Variants in MYO15A observed in about 807,000 individuals in gnomAD.
MYO15A encodes myosin XVA.
MYO15A carries 308 observed loss-of-function variants against 394.6 expected under a neutral mutation model. That is an observed-to-expected ratio of 0.78 (90% CI 0.71 to 0.86). The LOEUF (loss-of-function observed/expected upper bound fraction) is 0.86, where lower values mean the gene tolerates loss of function less well. Among genes scored for constraint, MYO15A ranks in the 40% least tolerant of loss-of-function variants. The probability of loss-of-function intolerance (pLI) is 0.00; values close to 1 mark genes in which losing one functional copy is unlikely to be tolerated. For synonymous variants in MYO15A, 1,957 were observed against 2,003.8 expected (o/e 0.98, Z 0.62); for missense variants, 4,606 against 4,799.1 (o/e 0.96, Z 1.19).
Position 18,172,218 on chromosome 17 carries a change from C to T in MYO15A, c.10278C>T (p.Asn3426=). The T allele has an allele frequency of 6.2e-7, 1 of 1,614,240 alleles. No homozygotes were observed. The highest frequency in any genetic ancestry group is 8.5e-7 in the Non-Finnish European group (1 of 1,180,048). The change falls in exon 64 of 66, where the codon AAC becomes AAT. Residue 3426 remains asparagine (N), a synonymous_variant. Coordinates refer to ENST00000647165, the MANE Select transcript of MYO15A (RefSeq NM_016239.4). ...TCTTCTTCATCCAGAGCTGCAGCAA[C>T]ATTGCTGTGCCAGCCCCTTGCATCC... ...SSFFFIQSCS[N]IAVPAPCILA... is the part of the protein sequence containing the mutation.
At position 18,151,120 on chromosome 17, in the gene MYO15A, C is replaced by T. The variant is rs757576205; in HGVS notation, c.7484C>T (p.Ala2495Val). The T allele has an allele frequency of 9.3e-6, 15 of 1,613,994 alleles. No homozygotes were observed. Among genetic ancestry groups the T allele is most frequent in the Non-Finnish European group, 1.3e-5 (15 of 1,180,008 alleles). Residue 2495 changes from alanine (A) to valine (V), a missense_variant, in exon 39 of 66, where the codon GCA (alanine) becomes GTA (valine). Physicochemically the swap from Ala to Val is moderately conservative, Grantham distance 64. This residue lies in a region of MYO15A where 2,776 missense variants were observed against 3,109.3 expected (regional missense o/e 0.89). Transcript: ENST00000647165. ...LRSLPAEKPP[A>V]PEAQPTSVGT... The stretch of plus-strand genomic sequence containing the variant: ...TCCTGTTCTCCACAGAAACCCCCAG[C>T]ACCAGAGGCACAGCCGACGTCTGTA...
At position 18,166,551 on chromosome 17, in the gene MYO15A, G is replaced by A. The variant is rs745999777; in HGVS notation, c.9948+30G>A. 2.5e-6 allele frequency: 4 copies of A among 1,608,520 alleles called. No homozygotes were observed. In the African/African-American group the frequency reaches 4.0e-5, roughly 16 times the overall value. ...GCACACGTAGGCTTCTCTGGACTCT[G>A]GGACCTTCTAGGCTCCCCTGGGCCT... is the stretch of plus-strand genomic sequence containing the variant. On this transcript the variant is annotated intron_variant, in intron 61 of 65. Coordinates refer to ENST00000647165, the MANE Select transcript of MYO15A (RefSeq NM_016239.4).
rs1438628635 is a variant in MYO15A at position 18,148,715 on chromosome 17, T to C, written c.6765-46T>C. The C allele has an allele frequency of 6.4e-7, 1 of 1,561,338 alleles. No homozygotes were observed. The highest frequency in any genetic ancestry group is 1.2e-5 in the South Asian group (1 of 85,262). On this transcript the variant is annotated intron_variant, in intron 32 of 65. Coordinates refer to ENST00000647165, the MANE Select transcript of MYO15A (RefSeq NM_016239.4). The surrounding 1 kb of genome is among the most constrained non-coding windows in gnomAD (Gnocchi z 4.8). ...ACCCAGGATCTCCCCAGGTAGTGCC[T>C]GATGACTCTGTCCCTCATTTCCATT... is the stretch of plus-strand genomic sequence containing the variant.
intron 62 of MYO15A, 113 bp downstream of exon 62, chr17:18,167,836 T>G: frequency 6.8e-7 from 1 of 1,478,898 alleles, no homozygotes; most frequent in Non-Finnish European, 9.2e-7. Flanking sequence ...TCCCCTCTTA[T>G]ACCAGTGGGG....
intron 60 of MYO15A, among the ~76,000 whole-genome samples, chr17:18,165,701 T>A (rs538018804): frequency 4.6e-5 from 7 of 152,282 alleles, no homozygotes; most frequent in Non-Finnish European, 7.3e-5. Context: ...TTTGGAGGGG[T>A]CATTATTCAG....
rs1248625884 is a variant in MYO15A, at chr17:18,159,995, A to G, written c.9364A>G (p.Thr3122Ala). The G allele has an allele frequency of 5.0e-6, 8 of 1,612,996 alleles. No homozygotes were observed. Among genetic ancestry groups the G allele is most frequent in the Non-Finnish European group, 6.8e-6 (8 of 1,180,022 alleles). ...TTACTGCCAAGTTGTGAAGCAGATC[A>G]CAGACAATACCAGCTCCAAGCAGTG... ...ECYCQVVKQI[T>A]DNTSSKQDSC... The change falls in exon 56 of 66, where the codon ACA (threonine) becomes GCA (alanine). Residue 3122 changes from threonine to alanine, a missense_variant. Around this residue, in one of 2 missense-constraint regions of MYO15A, gnomAD observed 2,776 missense variants for 3,109.3 expected, o/e 0.89. Coordinates refer to ENST00000647165, the MANE Select transcript of MYO15A (RefSeq NM_016239.4).
chr17:18,118,734 C>G lies in MYO15A; in HGVS notation c.-67C>G. 1 of 1,604,166 alleles carries G rather than the reference C, an allele frequency of 6.2e-7. No homozygotes were observed. The highest frequency in any genetic ancestry group is 1.3e-5 in the African/African-American group (1 of 74,774). On this transcript the variant is annotated 5_prime_UTR_variant, in exon 2 of 66. Transcript: ENST00000647165. ...GCCGCGGGCAAGAGACAGAGCAGGT[C>G]CCTGTGTCTCCAAGTCCCTGAGCCC...
At position 18,157,911 on chromosome 17, in the gene MYO15A, T is replaced by C. The variant is rs905466854; in HGVS notation, c.8967+11T>C. On this transcript the variant is annotated intron_variant, in intron 51 of 65. Transcript: ENST00000647165. ...GGCCGCAGGAGAGAGGTGAGACCAG[T>C]GTGGGTGGGGTGGGGCGGGGTAGAC... 14 of 231,948 alleles carry C rather than the reference T, an allele frequency of 6.0e-5. No homozygotes were observed. The highest frequency in any genetic ancestry group is 1.5e-4 in the Admixed American group (2 of 13,044). The allele number at this position is 231,948 out of a possible 1,614,324, so 14.4% of individuals were successfully genotyped here.
chr17:18,127,894 GGGTA>G (rs1200532827), intron 7 of MYO15A, among the ~76,000 whole-genome samples: 1 of 150,422 alleles, frequency 6.6e-6, no homozygotes. Context: ...GTATGTGAAA[GGGTA>G]GGTGGTGAGT....
chr17:18,139,047 C>A, intron 18 of MYO15A, 111 bp downstream of exon 18: 1 of 1,471,546 alleles, frequency 6.8e-7, no homozygotes, highest in African/African-American at 1.4e-5. Context: ...CCAATTCTGG[C>A]TCTGCTGTGC....
In MYO15A at chr17:18,120,041, T is replaced by C. The variant is rs369091395; in HGVS notation, c.1241T>C (p.Val414Ala). 29 of 1,613,472 alleles carry C rather than the reference T, an allele frequency of 1.8e-5. No individual in the cohort carries two copies. The highest frequency in any genetic ancestry group is 1.4e-4 in the South Asian group (13 of 91,086). ...GCTTCGGCCTTTGTGTACCCCTGGG[T>C]ACCACCGCCCATCCCGTCGCCCCAC... ...ESASAFVYPWVPPPIPSPHNP... is the reference protein window; with the variant it reads ...ESASAFVYPWAPPPIPSPHNP... The change falls in exon 2 of 66, where the codon GTA (valine) becomes GCA (alanine). Residue 414 changes from valine (V) to alanine (A), a missense_variant. This residue lies in a region of MYO15A where 1,830 missense variants were observed against 1,689.7 expected (regional missense o/e 1.08). Coordinates refer to ENST00000647165, the MANE Select transcript of MYO15A (RefSeq NM_016239.4).
chr17:18,140,550 C>A lies in MYO15A; in HGVS notation c.5245C>A (p.Gln1749Lys). Residue 1749 changes from glutamine (Q) to lysine (K), a missense_variant, in exon 20 of 66, where the codon CAG becomes AAG. Coordinates refer to ENST00000647165, the MANE Select transcript of MYO15A (RefSeq NM_016239.4). ...VAHLFSSHAP[Q>K]AAPQRLGKSS... ...ACACCTCTTCTCCAGCCATGCCCCA[C>A]AGGCTGCCCCTCAGCGCCTGGGCAA... 1 of 1,613,718 alleles carries A rather than the reference C, an allele frequency of 6.2e-7. No individual in the cohort carries two copies. Among genetic ancestry groups the A allele is most frequent in the South Asian group, 1.1e-5 (1 of 91,086 alleles).
chr17:18,149,184 G>A (rs369061774), intron 33 of MYO15A, 32 bp from the exon 34 acceptor site: 50 of 1,613,016 alleles, frequency 3.1e-5, no homozygotes, highest in Non-Finnish European at 3.4e-5. Context: ...TCTCTCTGGG[G>A]GTCAGTAGCT....
chr17:18,173,591 A>T, intron 64 of MYO15A, 190 bp from the exon 65 acceptor site: 1 of 702,598 alleles, frequency 1.4e-6, no homozygotes. Context: ...AATCAATTTT[A>T]TAGGTGAGGA....
intron 57 of MYO15A, among the ~76,000 whole-genome samples, chr17:18,162,232 C>T (rs1422211145): frequency 6.6e-6 from 1 of 152,160 alleles, no homozygotes; most frequent in Non-Finnish European, 1.5e-5. Flanking sequence ...CTGGCATGAG[C>T]AGAGCTGCAT....
chr17:18,155,520 A>T, intron 47 of MYO15A, 88 bp downstream of exon 47: 1 of 1,236,722 alleles, frequency 8.1e-7, no homozygotes, highest in Non-Finnish European at 1.2e-6. Context: ...CCACTTACCA[A>T]GTACCCATGA....
At chr17:18,170,359 A>G (rs1347320226) in intron 62 of MYO15A, among the ~76,000 whole-genome samples, 67 of 97,428 alleles carry the variant, frequency 6.9e-4, no homozygotes, top group Non-Finnish European at 4.3e-5. Context: ...ATTTTATTTT[A>G]TTTTATTTAT....
chr17:18,169,970 C>CAAAAAAA (rs202026399), intron 62 of MYO15A, among the ~76,000 whole-genome samples: 1 of 59,778 alleles, frequency 1.7e-5, no homozygotes, highest in Non-Finnish European at 3.1e-5. Flanking sequence ...GACCCTGTCT[C>CAAAAAAA]AAAAAAAAAA....
intron 7 of MYO15A, among the ~76,000 whole-genome samples, chr17:18,127,832 A>AGATATATAT (rs1555541550): frequency 2.7e-4 from 11 of 40,560 alleles, no homozygotes; most frequent in African/African-American, 8.2e-4. Flanking sequence ...AAGAAAAAAA[A>AGATATATAT]AGATATATAT....
Sources: gnomAD v4.1 joint callset for allele counts (sites outside exome capture counted in the v4.1 genomes callset) on GRCh38, gnomAD v4.1.1 for gene constraint, gnomAD v4.1.1 regional missense constraint, Gnocchi (gnomAD v3.1) non-coding constraint, MANE v1.5 for transcripts, NCBI Gene and HGNC (gene_info 2026-07-23, HGNC 2026-07-21) for gene names.